RASA1: variants seen among roughly 807,000 people sequenced by gnomAD.
RASA1 encodes the protein RAS p21 protein activator 1.
In RASA1, 25 loss-of-function variants were observed where a neutral mutation model predicts 132.2. The ratio of observed to expected loss-of-function variants is 0.19; its 90% CI spans 0.14 to 0.26. RASA1 has a LOEUF of 0.26. Among genes scored for constraint, RASA1 ranks in the 10% least tolerant of loss-of-function variants. RASA1 has a pLI of 1.00. For missense variants in RASA1, 964 were observed against 1,299.2 expected (o/e 0.74, Z 3.97); for synonymous variants, 477 against 449.9 (o/e 1.06, Z -0.76).
At chr5:87,270,207 A>T (rs1169729265) in intron 1 of RASA1, among the ~76,000 whole-genome samples, 1 of 145,890 alleles carries the variant, frequency 6.9e-6, no homozygotes, top group African/African-American at 2.5e-5. Flanking sequence ...GTGCCGCTGC[A>T]CTCCAGCCTG....
intron 1 of RASA1, among the ~76,000 whole-genome samples, chr5:87,287,727 TTATGTACACGCCATAG>T (rs1754705705): frequency 1.7e-5 from 1 of 58,200 alleles, no homozygotes; most frequent in African/African-American, 7.2e-5. Context: ...AGATATACCA[TTATGTACACGCCATAG>T]ATATACCATT....
In RASA1 at chr5:87,389,506, T is replaced by C. The variant is rs1383177502; in HGVS notation, c.3039T>C (p.Ser1013=). The change falls in exon 24 of 25, where the codon AGT becomes AGC. Residue 1013 remains serine, a synonymous_variant. Transcript: ENST00000274376. Reference sequence around the variant, plus strand: ...ATTCAGATGAACTTCGAACGCTCAGTAATGAGCGTGGTGCACAGCAGGTAG... The same window carrying C: ...ATTCAGATGAACTTCGAACGCTCAGCAATGAGCGTGGTGCACAGCAGGTAG... ...VAHSDELRTL[S]NERGAQQHVL... 1 of 1,614,102 alleles carries C rather than the reference T, an allele frequency of 6.2e-7. No individual in the cohort carries two copies. The highest frequency in any genetic ancestry group is 8.5e-7 in the Non-Finnish European group (1 of 1,179,962).
Position 87,277,544 on chromosome 5 carries a change from C to T in RASA1, c.539+8554C>T, listed in dbSNP as rs992815183. Reference sequence around the variant, plus strand: ...TTGTCAGCTAAGGAGAGAGGCCTGACCAGAAACCAAGCTTGCCAGCACTTT... The same window carrying T: ...TTGTCAGCTAAGGAGAGAGGCCTGATCAGAAACCAAGCTTGCCAGCACTTT... On this transcript the variant is annotated intron_variant, in intron 1 of 24. Coordinates refer to ENST00000274376, the MANE Select transcript of RASA1 (RefSeq NM_002890.3). 2.6e-5 allele frequency among the ~76,000 whole-genome samples: 4 copies of T among 152,212 alleles called. No homozygotes were observed. In the South Asian group the frequency reaches 6.2e-4, roughly 24 times the overall value.
At chr5:87,364,050 A>AT (rs1204241605) in intron 11 of RASA1, among the ~76,000 whole-genome samples, 7 of 152,092 alleles carry the variant, frequency 4.6e-5, no homozygotes, top group South Asian at 4.1e-4. Flanking sequence ...TTACATCTAG[A>AT]TTTTTTTCTC....
At chr5:87,347,091 G>C (rs965430152) in intron 7 of RASA1, among the ~76,000 whole-genome samples, 5 of 151,852 alleles carry the variant, frequency 3.3e-5, no homozygotes, top group South Asian at 4.2e-4. Context: ...TATATATTGG[G>C]AGATGATTCT....
At chr5:87,317,175 G>A (rs1488699107) in intron 1 of RASA1, among the ~76,000 whole-genome samples, 5 of 152,102 alleles carry the variant, frequency 3.3e-5, no homozygotes, top group African/African-American at 7.2e-5. Flanking sequence ...GAGCCACTGC[G>A]CCTGGCGGAT....
chr5:87,338,536 A>T (rs374381721), intron 5 of RASA1, among the ~76,000 whole-genome samples: 3,280 of 84,936 alleles, frequency 0.039, 243 homozygotes, highest in Middle Eastern at 0.06. Context: ...TATATATAAA[A>T]TTTTTTTTTT....
chr5:87,369,461 C>A (rs2112473873), intron 11 of RASA1, among the ~76,000 whole-genome samples: 1 of 152,100 alleles, frequency 6.6e-6, no homozygotes, highest in East Asian at 1.9e-4. Context: ...GGTCTAAGAA[C>A]ATTTCTAGTC....
intron 8 of RASA1, among the ~76,000 whole-genome samples, chr5:87,352,835 G>GA (rs912410991): frequency 5.3e-5 from 8 of 150,868 alleles, no homozygotes; most frequent in Middle Eastern, 3.2e-3. Flanking sequence ...TCTTGGGGGT[G>GA]AAAAAAAAGG....
At chr5:87,323,537 G>A (rs1379025112) in intron 1 of RASA1, among the ~76,000 whole-genome samples, 1 of 152,132 alleles carries the variant, frequency 6.6e-6, no homozygotes, top group Non-Finnish European at 1.5e-5. Context: ...ATTTCAGTTT[G>A]AGGAACTGAA....
At chr5:87,348,658 T>G (rs1343610768) in intron 7 of RASA1, among the ~76,000 whole-genome samples, 4 of 151,742 alleles carry the variant, frequency 2.6e-5, no homozygotes, top group Admixed American at 1.3e-4. Flanking sequence ...TTTTTTAAGA[T>G]GCAGGATCTT....
intron 1 of RASA1, chr5:87,299,671 GT>G (rs1240286241): frequency 3.9e-5 from 6 of 152,220 alleles, no homozygotes; most frequent in Admixed American, 3.3e-4. Context: ...GTGTGTGTGT[GT>G]GGTAAGAGTG....
chr5:87,328,033 T>A (rs1757358202), intron 1 of RASA1, among the ~76,000 whole-genome samples: 1 of 152,176 alleles, frequency 6.6e-6, no homozygotes, highest in Non-Finnish European at 1.5e-5. Context: ...TTTGTTTTGT[T>A]TTTTACATTG....
Position 87,349,493 on chromosome 5 carries a change from T to G in RASA1, c.1253+129T>G. Reference sequence around the variant, plus strand: ...AAAAATTATAAGACCTTCAATATAATTTCATAGTAGTCATGCCCAAGAATT... The same window carrying G: ...AAAAATTATAAGACCTTCAATATAAGTTCATAGTAGTCATGCCCAAGAATT... On this transcript the variant is annotated intron_variant, in intron 8 of 24. Transcript: ENST00000274376. 19 of 1,085,000 alleles carry G rather than the reference T, an allele frequency of 1.8e-5. No individual in the cohort carries two copies. The South Asian group carries it at 3.0e-4, about 17-fold the overall frequency. 67.2% of individuals were successfully genotyped at this position (1,085,000 alleles called of 1,614,324 possible). A position where few individuals can be genotyped will look rare whatever the true frequency, so the allele number is the denominator to read the frequency against.
At chr5:87,331,923 A>T (rs1757628722) in intron 2 of RASA1, among the ~76,000 whole-genome samples, 1 of 152,134 alleles carries the variant, frequency 6.6e-6, no homozygotes, top group Admixed American at 6.5e-5. Flanking sequence ...TGAAACAGAC[A>T]TATAAATTTT....
chr5:87,366,971 C>G (rs966277559), intron 11 of RASA1, among the ~76,000 whole-genome samples: 1 of 152,200 alleles, frequency 6.6e-6, no homozygotes, highest in Non-Finnish European at 1.5e-5. Context: ...TCACAACTGC[C>G]AGGATGTTGC....
At chr5:87,269,273 CCCTT>C in intron 1 of RASA1, 3 of 1,537,266 alleles carry the variant, frequency 2.0e-6, no homozygotes, top group Non-Finnish European at 2.6e-6. Context: ...ATAGTTCTGT[CCCTT>C]CCAAGTTGAG....
intron 1 of RASA1, among the ~76,000 whole-genome samples, chr5:87,301,872 C>G (rs577137848): frequency 6.6e-6 from 1 of 152,120 alleles, no homozygotes; most frequent in Admixed American, 6.5e-5. Flanking sequence ...TTGCATGTGA[C>G]ACTATTTCAC....
intron 1 of RASA1, among the ~76,000 whole-genome samples, chr5:87,311,106 T>C (rs1173031338): frequency 6.6e-6 from 1 of 152,208 alleles, no homozygotes; most frequent in Admixed American, 6.5e-5. Flanking sequence ...AAAATAGTTA[T>C]GCGATTATTG....
Sources: gnomAD v4.1 joint callset for allele counts (sites outside exome capture counted in the v4.1 genomes callset) on GRCh38, gnomAD v4.1.1 for gene constraint, MANE v1.5 for transcripts, NCBI Gene and HGNC (gene_info 2026-07-23, HGNC 2026-07-21) for gene names.